SV2C: variants seen among roughly 807,000 people sequenced by gnomAD.
SV2C encodes solute carrier family 22 member B3.
In SV2C, 49 loss-of-function variants were observed where a neutral mutation model predicts 79.7. The observed-to-expected ratio is 0.61, with a 90% CI of 0.49 to 0.78. SV2C has a LOEUF of 0.78. SV2C is among the 30% of genes least tolerant of loss of function. SV2C has a pLI of 0.00. For synonymous variants in SV2C, 334 were observed against 333.2 expected, an observed-to-expected ratio of 1.00 and a Z score of -0.03; for missense variants, 833 against 912.9, an observed-to-expected ratio of 0.91 and a Z score of 1.13.
At chr5:76,191,365 T>G (rs1299011348) in intron 2 of SV2C, among the ~76,000 whole-genome samples, 1 of 152,252 alleles carries the variant, frequency 6.6e-6, no homozygotes, top group Non-Finnish European at 1.5e-5. Context: ...ATACAGAATG[T>G]TTTTCATTGA....
the SV2C span, among the ~76,000 whole-genome samples, chr5:76,049,509 A>T: frequency 6.6e-6 from 1 of 152,282 alleles, no homozygotes. Context: ...TGTTCTAGCA[A>T]AGGGTGAATG....
chr5:76,143,457 C>T (rs1166678931), intron 2 of SV2C, among the ~76,000 whole-genome samples: 2 of 152,186 alleles, frequency 1.3e-5, no homozygotes, highest in East Asian at 3.9e-4. Flanking sequence ...TGCTGTGTGA[C>T]ACTGTCTCAC....
chr5:76,288,025 C>T (rs961140975), intron 6 of SV2C, among the ~76,000 whole-genome samples: 4 of 148,422 alleles, frequency 2.7e-5, no homozygotes, highest in African/African-American at 1.0e-4. Context: ...GCGGAGATTG[C>T]AGTGAGCCAA....
At chr5:75,870,342 C>A in the SV2C span, among the ~76,000 whole-genome samples, 1 of 151,730 alleles carries the variant, frequency 6.6e-6, no homozygotes, top group South Asian at 2.1e-4. Flanking sequence ...AAGCAGAAAT[C>A]TGGAGCTGTG....
At chr5:76,029,214 C>T in the SV2C span, among the ~76,000 whole-genome samples, 2 of 152,238 alleles carry the variant, frequency 1.3e-5, no homozygotes, top group Admixed American at 6.5e-5. Context: ...CTACCTCACA[C>T]AGTTATTTTT....
intron 4 of SV2C, among the ~76,000 whole-genome samples, chr5:76,272,558 C>T (rs1244373883): frequency 6.6e-6 from 1 of 152,208 alleles, no homozygotes; most frequent in African/African-American, 2.4e-5. Flanking sequence ...AGTCCTCTAT[C>T]AACTTTTGGA....
chr5:75,928,666 C>T, the SV2C span, among the ~76,000 whole-genome samples: 9 of 152,120 alleles, frequency 5.9e-5, no homozygotes, highest in African/African-American at 1.9e-4. Context: ...GGGGAGTAGG[C>T]ACTGAACCCT....
rs77551625 is a variant in SV2C at position 76,142,432 on chromosome 5, G to A, written c.580+10102G>A. 5.1e-3 allele frequency among the ~76,000 whole-genome samples: 782 copies of A among 152,252 alleles called. 3 individuals are homozygous for A. The highest frequency in any genetic ancestry group is 0.018 in the African/African-American group (727 of 41,532). ...TGCTTATAGTCATAACTGCAATTAT[G>A]TAAATACAGATTAGTTCATCTTTGC... is the stretch of plus-strand genomic sequence containing the variant. On this transcript the variant is annotated intron_variant, in intron 2 of 12. Coordinates refer to ENST00000502798, the MANE Select transcript of SV2C (RefSeq NM_014979.4).
the SV2C span, among the ~76,000 whole-genome samples, chr5:75,985,741 T>C: frequency 3.9e-5 from 6 of 151,940 alleles, no homozygotes; most frequent in African/African-American, 1.4e-4. Context: ...TACTACTTAG[T>C]AACAAAGTAG....
chr5:76,336,667 G>A (rs916361314), downstream of SV2C, among the ~76,000 whole-genome samples: 1 of 152,042 alleles, frequency 6.6e-6, no homozygotes, highest in Non-Finnish European at 1.5e-5. Flanking sequence ...GAGGCCGGCG[G>A]ACCACTCGCA....
chr5:75,988,599 C>A, the SV2C span, among the ~76,000 whole-genome samples: 1 of 151,902 alleles, frequency 6.6e-6, no homozygotes, highest in Non-Finnish European at 1.5e-5. Flanking sequence ...GAGAAAGCCA[C>A]TGACTCTCCC....
At chr5:76,205,327 T>C (rs1744577952) in intron 3 of SV2C, among the ~76,000 whole-genome samples, 1 of 152,240 alleles carries the variant, frequency 6.6e-6, no homozygotes, top group Non-Finnish European at 1.5e-5. Flanking sequence ...ACTCCAACTC[T>C]GAAATTCCAA....
the SV2C span, among the ~76,000 whole-genome samples, chr5:75,999,471 G>T: frequency 6.6e-6 from 1 of 151,824 alleles, no homozygotes; most frequent in Non-Finnish European, 1.5e-5. Flanking sequence ...GGTCTGCCAT[G>T]GGCAGGTTGG....
chr5:76,039,233 C>G, the SV2C span, among the ~76,000 whole-genome samples: 5 of 152,174 alleles, frequency 3.3e-5, no homozygotes, highest in African/African-American at 1.2e-4. Flanking sequence ...TTGCCCGTGA[C>G]TTGGTTCAGT....
chr5:76,344,475 A>G (rs2937727), intron 12 of SV2C, among the ~76,000 whole-genome samples: 114,840 of 152,178 alleles, frequency 0.75, 44,066 homozygotes, highest in East Asian at 0.97. Flanking sequence ...TTGGGAGGCC[A>G]AGGCGGGCGG....
At chr5:75,847,490 G>T in the SV2C span, among the ~76,000 whole-genome samples, 1 of 152,192 alleles carries the variant, frequency 6.6e-6, no homozygotes, top group African/African-American at 2.4e-5. Flanking sequence ...ACTTGCAGGG[G>T]GAAAGGGTTA....
At chr5:76,192,478 C>T (rs79564440) in intron 2 of SV2C, among the ~76,000 whole-genome samples, 19 of 152,336 alleles carry the variant, frequency 1.2e-4, no homozygotes, top group Non-Finnish European at 2.4e-4. Context: ...AGAGAGAAGG[C>T]TGGAGATTGT....
chr5:76,000,633 A>G, the SV2C span, among the ~76,000 whole-genome samples: 1 of 152,174 alleles, frequency 6.6e-6, no homozygotes, highest in Non-Finnish European at 1.5e-5. Context: ...ACCAATTAGC[A>G]CTGAAAATTA....
the SV2C span, among the ~76,000 whole-genome samples, chr5:76,075,048 T>G: frequency 6.6e-6 from 1 of 152,196 alleles, no homozygotes; most frequent in East Asian, 1.9e-4. Flanking sequence ...AAAGAGGAAA[T>G]GTATTACTAC....
Sources: gnomAD v4.1 joint callset for allele counts (sites outside exome capture counted in the v4.1 genomes callset) on GRCh38, gnomAD v4.1.1 for gene constraint, MANE v1.5 for transcripts, NCBI Gene and HGNC (gene_info 2026-07-23, HGNC 2026-07-21) for gene names.